The following NPEPPS variants were observed in gnomAD, a reference collection of about 807,000 sequenced individuals.
The protein encoded by NPEPPS is puromycin-sensitive aminopeptidase.
A neutral mutation model predicts 115.5 loss-of-function variants in NPEPPS; 14 were observed. The ratio of observed to expected loss-of-function variants is 0.12; its 90% CI spans 0.08 to 0.19. The LOEUF is 0.19. NPEPPS is among the 10% of genes least tolerant of loss of function. The pLI, the probability that NPEPPS is intolerant of heterozygous loss-of-function variation, is 1.00. For synonymous variants in NPEPPS, 285 were observed against 390.6 expected (o/e 0.73, Z 3.19); for missense variants, 523 against 1,110.8 (o/e 0.47, Z 7.52).
At chr17:47,564,650 T>C (rs1045719654) in intron 2 of NPEPPS, among the ~76,000 whole-genome samples, 3 of 148,282 alleles carry the variant, frequency 2.0e-5, no homozygotes, top group African/African-American at 7.3e-5. Context: ...TATATATTAC[T>C]ATAATATATA....
At chr17:47,602,747 C>A (rs73328007) in intron 15 of NPEPPS, among the ~76,000 whole-genome samples, 3,844 of 150,344 alleles carry the variant, frequency 0.026, 150 homozygotes, top group African/African-American at 0.086. Context: ...CTCATGTGAT[C>A]CTCCCACCTC....
In NPEPPS at chr17:47,589,968, T is replaced by G. The variant is rs113818871; in HGVS notation, c.1096-749T>G. Among the ~76,000 whole-genome samples the G allele has an allele frequency of 2.7e-3, 407 of 152,350 alleles. 6 individuals carry two copies. Among genetic ancestry groups the G allele is most frequent in the African/African-American group, 9.5e-3 (395 of 41,590 alleles). ...ACCTCTATTTGCCTATATTTATCTG[T>G]TGTCTTTTCCTTTTCCATATATGGG... On this transcript the variant is annotated intron_variant, in intron 9 of 22. Coordinates refer to ENST00000322157, the MANE Select transcript of NPEPPS (RefSeq NM_006310.4).
chr17:47,619,422 T>G, intron 21 of NPEPPS: 1 of 512,652 alleles, frequency 2.0e-6, no homozygotes, highest in Admixed American at 3.2e-5. Context: ...AGCGTGGTGG[T>G]GTGTGCCTGT....
At chr17:47,569,031 C>T (rs1438805932) in intron 2 of NPEPPS, among the ~76,000 whole-genome samples, 1 of 152,206 alleles carries the variant, frequency 6.6e-6, no homozygotes, top group Non-Finnish European at 1.5e-5. Flanking sequence ...GGGGAACAGA[C>T]CTTTCCTTGA....
chr17:47,594,348 T>G (rs1912706329), intron 12 of NPEPPS, among the ~76,000 whole-genome samples: 1 of 152,134 alleles, frequency 6.6e-6, no homozygotes, highest in Non-Finnish European at 1.5e-5. Flanking sequence ...TAAATTAACC[T>G]TAGCTTACTG....
intron 1 of NPEPPS, among the ~76,000 whole-genome samples, chr17:47,525,938 C>T (rs1406366593): frequency 2.0e-5 from 3 of 152,158 alleles, no homozygotes; most frequent in East Asian, 1.9e-4. Flanking sequence ...AGGCCAGGCG[C>T]GGTGGCTCAC....
intron 17 of NPEPPS, among the ~76,000 whole-genome samples, chr17:47,608,008 T>C (rs975497985): frequency 6.6e-6 from 1 of 151,480 alleles, no homozygotes; most frequent in African/African-American, 2.4e-5. Context: ...TACCCAGCTA[T>C]GTTTTTTTTT....
chr17:47,622,222 C>T lies in NPEPPS; in HGVS notation c.*302C>T, dbSNP rs1276277722. 4.7e-6 allele frequency: 2 copies of T among 422,440 alleles called. No individual in the cohort carries two copies. The highest frequency in any genetic ancestry group is 6.7e-6 in the Non-Finnish European group (2 of 296,510). 26.2% of individuals were successfully genotyped at this position (422,440 alleles called of 1,614,324 possible). A position where few individuals can be genotyped will look rare whatever the true frequency, so the allele number is the denominator to read the frequency against. The stretch of plus-strand genomic sequence containing the variant: ...CTTGTCAGTGGTTAAAAGTATTTAA[C>T]ACTCTACTGTTAATGACAGATGTTC... On this transcript the variant is annotated 3_prime_UTR_variant, in exon 23 of 23. Transcript: ENST00000322157.
At chr17:47,613,599 C>CTT in intron 18 of NPEPPS, 70 bp from the exon 19 acceptor site, 1 of 1,270,870 alleles carries the variant, frequency 7.9e-7, no homozygotes, top group African/African-American at 1.5e-5. Context: ...TGCTTTCTGT[C>CTT]TTTTCTTAGT....
At chr17:47,604,710 C>T (rs1913414117) in intron 16 of NPEPPS, among the ~76,000 whole-genome samples, 1 of 152,226 alleles carries the variant, frequency 6.6e-6, no homozygotes, top group Non-Finnish European at 1.5e-5. Flanking sequence ...CACAAAACCT[C>T]ACATCTGCTG....
chr17:47,532,372 C>T (rs1907869312), intron 1 of NPEPPS, among the ~76,000 whole-genome samples: 1 of 152,002 alleles, frequency 6.6e-6, no homozygotes, highest in East Asian at 1.9e-4. Context: ...TCCCAAGAAG[C>T]TGGCTGGGCG....
intron 1 of NPEPPS, 81 bp downstream of exon 1, chr17:47,531,636 C>G (rs1383545520): frequency 1.5e-6 from 2 of 1,335,330 alleles, no homozygotes; most frequent in Non-Finnish European, 1.9e-6. Flanking sequence ...AGGGCCCGGC[C>G]GGGAGGGCGG....
At chr17:47,530,863 T>C (rs983992272), upstream of NPEPPS, among the ~76,000 whole-genome samples, 3 of 151,880 alleles carry the variant, frequency 2.0e-5, no homozygotes, top group Middle Eastern at 3.4e-3. Flanking sequence ...GGGCCCCTTA[T>C]GCCTTTCCTT....
chr17:47,558,705 C>T (rs1186331016), intron 2 of NPEPPS, among the ~76,000 whole-genome samples: 1 of 152,178 alleles, frequency 6.6e-6, no homozygotes, highest in Admixed American at 6.5e-5. Context: ...GGATTATAGG[C>T]GTGAGCCACC....
chr17:47,603,832 C>G, intron 15 of NPEPPS, 83 bp from the exon 16 acceptor site: 1 of 1,328,436 alleles, frequency 7.5e-7, no homozygotes, highest in Non-Finnish European at 1.0e-6. Context: ...ATATCTAAAA[C>G]CAGAACTCCT....
chr17:47,576,329 A>G (rs1363492182), intron 3 of NPEPPS, among the ~76,000 whole-genome samples: 1 of 152,200 alleles, frequency 6.6e-6, no homozygotes, highest in East Asian at 1.9e-4. Context: ...CCCTGTTTCT[A>G]CTAAAAACAA....
At chr17:47,605,955 G>A (rs1024443421) in intron 17 of NPEPPS, among the ~76,000 whole-genome samples, 7 of 151,990 alleles carry the variant, frequency 4.6e-5, no homozygotes, top group Admixed American at 2.6e-4. Context: ...TCGGCTCACC[G>A]CAACCTCCGC....
In NPEPPS at chr17:47,612,621, T is replaced by C; in HGVS notation, c.2238+19T>C. On this transcript the variant is annotated intron_variant, in intron 18 of 22. Transcript: ENST00000322157. ...GAGTCCTGTAGGTTTTCATCATAAA[T>C]TCCCTTGACTTATAGGTAACATCAT... The C allele has an allele frequency of 6.2e-7, 1 of 1,608,502 alleles. No homozygotes were observed. Among genetic ancestry groups the C allele is most frequent in the Non-Finnish European group, 8.5e-7 (1 of 1,176,916 alleles).
At chr17:47,528,460 G>A (rs903058780), upstream of NPEPPS, among the ~76,000 whole-genome samples, 1 of 152,110 alleles carries the variant, frequency 6.6e-6, no homozygotes, top group Non-Finnish European at 1.5e-5. Context: ...GGATTCAGAG[G>A]CTAAGAGGCC....
Sources: gnomAD v4.1 joint callset for allele counts (sites outside exome capture counted in the v4.1 genomes callset) on GRCh38, gnomAD v4.1.1 for gene constraint, MANE v1.5 for transcripts, NCBI Gene and HGNC (gene_info 2026-07-23, HGNC 2026-07-21) for gene names.